The following SIN3A variants were observed in gnomAD, a reference collection of about 807,000 sequenced individuals.
The protein encoded by SIN3A is SIN3 transcription regulator family member A.
A neutral mutation model predicts 146.1 loss-of-function variants in SIN3A; 14 were observed. That is an observed-to-expected ratio of 0.10 (90% CI 0.06 to 0.15). The LOEUF is 0.15. Among genes scored for constraint, SIN3A ranks in the 10% least tolerant of loss-of-function variants. The pLI, the probability that SIN3A is intolerant of heterozygous loss-of-function variation, is 1.00. For missense variants in SIN3A, 1,028 were observed against 1,576.0 expected (o/e 0.65, Z 5.89); for synonymous variants, 572 against 572.0 (o/e 1.00, Z 0.00).
chr15:75,440,113 T>C (rs977145355), intron 1 of SIN3A, among the ~76,000 whole-genome samples: 2 of 151,406 alleles, frequency 1.3e-5, no homozygotes, highest in Non-Finnish European at 2.9e-5. Context: ...ATCACGCCAA[T>C]GCACTCCAGC....
At chr15:75,426,307 TGAGG>T (rs2141555285) in intron 2 of SIN3A, among the ~76,000 whole-genome samples, 1 of 152,324 alleles carries the variant, frequency 6.6e-6, no homozygotes, top group East Asian at 1.9e-4. Flanking sequence ...AGGGGACTCC[TGAGG>T]AAGAGTGACA....
intron 15 of SIN3A, among the ~76,000 whole-genome samples, chr15:75,390,889 T>C (rs924187117): frequency 1.3e-5 from 2 of 152,152 alleles, no homozygotes; most frequent in African/African-American, 4.8e-5. Context: ...ACATTGCACT[T>C]CAACAAAAAG....
In SIN3A at chr15:75,372,230, A is replaced by T. The variant is rs7403118; in HGVS notation, c.3592-21T>A. On this transcript the variant is annotated intron_variant, in intron 20 of 20. Transcript: ENST00000394947. ...TGGGACTGCAAAACAGAAAAAAAAA[A>T]TTTTATTAAATGAAGCAGAACCAAA... The T allele has an allele frequency of 0.73, 1,106,052 of 1,516,244 alleles. 407,491 individuals are homozygous for T. Among genetic ancestry groups the T allele is most frequent in the Non-Finnish European group, 0.76 (851,049 of 1,127,060 alleles). 93.9% of individuals were successfully genotyped at this position (1,516,244 alleles called of 1,614,324 possible). A position where few individuals can be genotyped will look rare whatever the true frequency, so the allele number is the denominator to read the frequency against.
At chr15:75,398,160 G>T (rs2073338907) in intron 12 of SIN3A, among the ~76,000 whole-genome samples, 1 of 152,136 alleles carries the variant, frequency 6.6e-6, no homozygotes, top group Non-Finnish European at 1.5e-5. Context: ...AGTAAGCACA[G>T]CCAGTCAATT....
At chr15:75,448,935 C>A (rs139218044) in intron 1 of SIN3A, among the ~76,000 whole-genome samples, 1 of 152,176 alleles carries the variant, frequency 6.6e-6, no homozygotes, top group Non-Finnish European at 1.5e-5. Context: ...TTACGAAGTG[C>A]CAATCTTTCT....
At chr15:75,414,169 A>G in intron 4 of SIN3A, 36 bp downstream of exon 4, 1 of 1,076,036 alleles carries the variant, frequency 9.3e-7, no homozygotes, top group Non-Finnish European at 1.4e-6. Context: ...TCAATATGCC[A>G]GATACAAAGC....
At position 75,392,784 on chromosome 15, in the gene SIN3A, C is replaced by A; in HGVS notation, c.2309G>T (p.Gly770Val). ...RQEQATEENAGVPVGPHLSLA... is the reference protein window; with the variant it reads ...RQEQATEENAVVPVGPHLSLA... ...TGAGAGGTGTGGGCCAACAGGTACA[C>A]CAGCATTCTCCTCCGTAGCCTGCTC... Residue 770 changes from glycine to valine, a missense_variant, in exon 15 of 21, where the codon GGT (glycine) becomes GTT (valine). Transcript: ENST00000394947. The A allele has an allele frequency of 3.1e-6, 5 of 1,613,252 alleles. No homozygotes were observed. The highest frequency in any genetic ancestry group is 4.2e-6 in the Non-Finnish European group (5 of 1,179,688).
chr15:75,381,667 A>T lies in SIN3A; in HGVS notation c.3234T>A (p.Thr1078=), dbSNP rs2072973317. The T allele has an allele frequency of 1.2e-6, 2 of 1,614,060 alleles. No homozygotes were observed. Among genetic ancestry groups the T allele is most frequent in the Non-Finnish European group, 1.7e-6 (2 of 1,179,964 alleles). The change falls in exon 18 of 21, where the codon ACT becomes ACA. Residue 1078 remains threonine, a synonymous_variant. Transcript: ENST00000394947. ...FIQSQGQVQL[T]IELLDTEEEN... Reference sequence around the variant, plus strand: ...CCTCTTCTGTGTCCAGAAGCTCAATAGTCAGCTGGACCTGGCCTTGGCTCT... The same window carrying T: ...CCTCTTCTGTGTCCAGAAGCTCAATTGTCAGCTGGACCTGGCCTTGGCTCT...
intron 1 of SIN3A, among the ~76,000 whole-genome samples, chr15:75,440,045 G>A (rs1221700937): frequency 6.6e-6 from 1 of 151,510 alleles, no homozygotes; most frequent in African/African-American, 2.4e-5. Flanking sequence ...CAGCAACTTT[G>A]GAGGCTGAGG....
At chr15:75,399,927 G>C in intron 12 of SIN3A, 113 bp downstream of exon 12, 1 of 693,824 alleles carries the variant, frequency 1.4e-6, no homozygotes, top group Non-Finnish European at 2.6e-6. Context: ...ACTTACCATA[G>C]AAGAATGTGA....
chr15:75,392,569 T>C lies in SIN3A; in HGVS notation c.2524A>G (p.Met842Val), dbSNP rs2073226881. The C allele has an allele frequency of 1.2e-6, 2 of 1,613,992 alleles. No homozygotes were observed. Among genetic ancestry groups the C allele is most frequent in the Non-Finnish European group, 1.7e-6 (2 of 1,180,038 alleles). ...GCCCCTGTGGCTTCATCTACATCCATCTCTTCTTCTTCCTCTTCCTCCACA... is the reference window on the plus strand; with the variant it reads ...GCCCCTGTGGCTTCATCTACATCCACCTCTTCTTCTTCCTCTTCCTCCACA... Reference protein sequence around the residue: ...SDVEEEEEEEMDVDEATGAVK... With the variant: ...SDVEEEEEEEVDVDEATGAVK... The change falls in exon 15 of 21, where the codon ATG (methionine) becomes GTG (valine). Residue 842 changes from methionine to valine, a missense_variant. Met to Val is a conservative substitution (Grantham distance 21). Around this residue, in one of 9 missense-constraint regions of SIN3A, gnomAD observed 488 missense variants for 690.2 expected, o/e 0.71. Transcript: ENST00000394947.
chr15:75,434,838 C>T (rs1049419835), intron 1 of SIN3A, among the ~76,000 whole-genome samples: 2 of 151,276 alleles, frequency 1.3e-5, no homozygotes, highest in African/African-American at 2.4e-5. Context: ...ATCCCAGCTA[C>T]TCGAGAGGCT....
At chr15:75,443,078 G>T (rs917384268) in intron 1 of SIN3A, among the ~76,000 whole-genome samples, 1 of 151,888 alleles carries the variant, frequency 6.6e-6, no homozygotes, top group Non-Finnish European at 1.5e-5. Context: ...TCAGCCTCCC[G>T]AGATGCTAGG....
chr15:75,450,822 G>A (rs1467743474), intron 1 of SIN3A, among the ~76,000 whole-genome samples: 3 of 152,214 alleles, frequency 2.0e-5, no homozygotes, highest in South Asian at 2.1e-4. Flanking sequence ...CCCGACAGCG[G>A]GCTTTCCCTA....
intron 1 of SIN3A, among the ~76,000 whole-genome samples, chr15:75,435,344 C>G (rs1337461083): frequency 6.6e-6 from 1 of 152,098 alleles, no homozygotes; most frequent in African/African-American, 2.4e-5. Flanking sequence ...ATGTAGGAAT[C>G]AGAAAGATCA....
At chr15:75,377,513 T>C (rs1342069223) in intron 19 of SIN3A, among the ~76,000 whole-genome samples, 2 of 151,638 alleles carry the variant, frequency 1.3e-5, no homozygotes, top group South Asian at 2.1e-4. Flanking sequence ...TAATCCCAGC[T>C]ATTCGGGAGG....
intron 12 of SIN3A, among the ~76,000 whole-genome samples, chr15:75,399,779 A>G (rs1219957789): frequency 2.6e-5 from 4 of 152,256 alleles, no homozygotes; most frequent in African/African-American, 9.6e-5. Flanking sequence ...CAAAATCAAA[A>G]GAACTATTAT....
chr15:75,452,787 C>T (rs975331888), upstream of SIN3A, among the ~76,000 whole-genome samples: 3 of 152,178 alleles, frequency 2.0e-5, no homozygotes, highest in Admixed American at 2.0e-4. Flanking sequence ...CCAAAACAGG[C>T]CACGGCATAA....
rs535266132 is a variant in SIN3A, at chr15:75,440,034, C to T, written c.-33-9626G>A. Among the ~76,000 whole-genome samples the T allele has an allele frequency of 1.4e-3, 212 of 151,330 alleles. 1 individual carries two copies. Among genetic ancestry groups the T allele is most frequent in the African/African-American group, 4.9e-3 (203 of 41,328 alleles). On this transcript the variant is annotated intron_variant, in intron 1 of 20. Transcript: ENST00000394947. ...GGCGTGGTAGCGGGCGCCTGTAATC[C>T]CAGCAACTTTGGAGGCTGAGGCAGG...
Sources: gnomAD v4.1 joint callset for allele counts (sites outside exome capture counted in the v4.1 genomes callset) on GRCh38, gnomAD v4.1.1 for gene constraint, gnomAD v4.1.1 regional missense constraint, MANE v1.5 for transcripts, NCBI Gene and HGNC (gene_info 2026-07-23, HGNC 2026-07-21) for gene names.